Variants in PLXDC2 observed in about 807,000 individuals in gnomAD.
PLXDC2 encodes the protein plexin domain-containing protein 2.
A neutral mutation model predicts 68.9 loss-of-function variants in PLXDC2; 40 were observed. The ratio of observed to expected loss-of-function variants is 0.58; its 90% confidence interval spans 0.45 to 0.76. PLXDC2 has a LOEUF of 0.76. Ranked by LOEUF, PLXDC2 falls within the 30% of genes least tolerant of loss-of-function variation. PLXDC2 has a pLI of 0.00. For missense variants in PLXDC2, 644 were observed against 661.9 expected (o/e 0.97, Z 0.30); for synonymous variants, 243 against 234.2 (o/e 1.04, Z -0.34).
chr10:19,907,662 A>C (rs1833189708), intron 1 of PLXDC2, among the ~76,000 whole-genome samples: 1 of 152,244 alleles, frequency 6.6e-6, no homozygotes, highest in Non-Finnish European at 1.5e-5. Flanking sequence ...CATTTTTAGT[A>C]GAAAATGCTT....
At chr10:20,100,399 CA>C in intron 4 of PLXDC2, among the ~76,000 whole-genome samples, 1 of 152,090 alleles carries the variant, frequency 6.6e-6, no homozygotes, top group East Asian at 1.9e-4. Flanking sequence ...TCCATGGTAA[CA>C]TAACAGAAAA....
chr10:19,869,063 AG>A (rs1261990420), intron 1 of PLXDC2, among the ~76,000 whole-genome samples: 4 of 152,176 alleles, frequency 2.6e-5, no homozygotes, highest in African/African-American at 9.7e-5. Flanking sequence ...TAGAGAACTC[AG>A]GGTTCAAGAT....
chr10:20,262,077 T>C (rs1835814984), intron 13 of PLXDC2, among the ~76,000 whole-genome samples: 1 of 152,112 alleles, frequency 6.6e-6, no homozygotes, highest in Admixed American at 6.5e-5. Context: ...AGGAAACAAC[T>C]TGACCCACAG....
chr10:20,024,059 G>T (rs1835356845), intron 2 of PLXDC2, among the ~76,000 whole-genome samples: 2 of 152,126 alleles, frequency 1.3e-5, no homozygotes, highest in Non-Finnish European at 2.9e-5. Context: ...CTGCAGAATA[G>T]GAACATATAT....
intron 1 of PLXDC2, among the ~76,000 whole-genome samples, chr10:19,970,550 A>G (rs971085501): frequency 6.6e-6 from 1 of 152,240 alleles, no homozygotes; most frequent in African/African-American, 2.4e-5. Context: ...ACTGCAAAGC[A>G]CAAGTAGTAG....
intron 13 of PLXDC2, among the ~76,000 whole-genome samples, chr10:20,270,623 C>T (rs1835925819): frequency 6.6e-6 from 1 of 151,984 alleles, no homozygotes; most frequent in Admixed American, 6.6e-5. Flanking sequence ...TGGCTCACTG[C>T]AATCTCCGCC....
At chr10:19,879,899 T>C (rs190233507) in intron 1 of PLXDC2, among the ~76,000 whole-genome samples, 28 of 152,304 alleles carry the variant, frequency 1.8e-4, no homozygotes, top group African/African-American at 5.5e-4. Flanking sequence ...TTTCCTTCTG[T>C]TATGTTATTG....
chr10:20,103,926 A>G lies in PLXDC2; in HGVS notation c.541+35687A>G, dbSNP rs568868983. Reference sequence around the variant, plus strand: ...CCAAAGTGCTAGGATTGCAAGCGTGAGCCACCGTGCCCGGCTGACACATCT... The same window carrying G: ...CCAAAGTGCTAGGATTGCAAGCGTGGGCCACCGTGCCCGGCTGACACATCT... On this transcript the variant is annotated intron_variant, in intron 4 of 13. Transcript: ENST00000377252. Among the ~76,000 whole-genome samples, 8 of 152,360 alleles carry G rather than the reference A, an allele frequency of 5.3e-5. No individual in the cohort carries two copies. In the East Asian group the frequency reaches 1.5e-3, roughly 29 times the overall value.
intron 2 of PLXDC2, among the ~76,000 whole-genome samples, chr10:20,014,842 A>T (rs767288112): frequency 6.6e-6 from 1 of 152,094 alleles, no homozygotes; most frequent in South Asian, 2.1e-4. Context: ...AAAAAACTCT[A>T]TTTTTATCTT....
In PLXDC2 at chr10:20,202,904, G is replaced by A. The variant is rs114112981; in HGVS notation, c.1062-8765G>A. Among the ~76,000 whole-genome samples, 554 of 152,142 alleles carry A rather than the reference G, an allele frequency of 3.6e-3. 3 individuals carry two copies. Among genetic ancestry groups the A allele is most frequent in the African/African-American group, 0.012 (510 of 41,500 alleles). The stretch of plus-strand genomic sequence containing the variant: ...GTAACTGGCTTTGTTTTAATGCATC[G>A]CAATTTCAACTTGTATTTCTGTCTA... On this transcript the variant is annotated intron_variant, in intron 9 of 13. Coordinates refer to ENST00000377252, the MANE Select transcript of PLXDC2 (RefSeq NM_032812.9).
intron 1 of PLXDC2, among the ~76,000 whole-genome samples, chr10:19,817,615 A>G (rs576502850): frequency 6.6e-6 from 1 of 152,156 alleles, no homozygotes; most frequent in African/African-American, 2.4e-5. Context: ...TGTGAAAGCC[A>G]GGGATTGCAG....
At chr10:20,202,316 A>T (rs1414068210) in intron 9 of PLXDC2, among the ~76,000 whole-genome samples, 1 of 152,148 alleles carries the variant, frequency 6.6e-6, no homozygotes, top group Non-Finnish European at 1.5e-5. Flanking sequence ...AGGTTCAAAG[A>T]CACTATATTG....
chr10:20,055,311 A>C (rs1835977940), intron 3 of PLXDC2, among the ~76,000 whole-genome samples: 1 of 152,132 alleles, frequency 6.6e-6, no homozygotes, highest in South Asian at 2.1e-4. Context: ...AGCTAGCATT[A>C]CCATGGGTCT....
At chr10:20,068,493 G>C (rs1226095786) in intron 4 of PLXDC2, among the ~76,000 whole-genome samples, 1 of 151,260 alleles carries the variant, frequency 6.6e-6, no homozygotes, top group African/African-American at 2.4e-5. Flanking sequence ...ATTCATTTTT[G>C]GTAGTGTGGT....
intron 2 of PLXDC2, among the ~76,000 whole-genome samples, chr10:20,015,584 A>T (rs895281909): frequency 4.6e-5 from 7 of 151,956 alleles, no homozygotes; most frequent in Non-Finnish European, 4.4e-5. Flanking sequence ...ACTGGCCAAG[A>T]CTCCATTTGC....
chr10:20,071,451 G>C (rs1300662508), intron 4 of PLXDC2, among the ~76,000 whole-genome samples: 1 of 152,200 alleles, frequency 6.6e-6, no homozygotes, highest in Non-Finnish European at 1.5e-5. Flanking sequence ...AATCATGGGG[G>C]CAGGTCTTTC....
chr10:19,878,837 C>G (rs981241231), intron 1 of PLXDC2, among the ~76,000 whole-genome samples: 1 of 152,126 alleles, frequency 6.6e-6, no homozygotes, highest in East Asian at 1.9e-4. Flanking sequence ...CGAACTGTGG[C>G]TTTTTCTGGG....
At position 20,195,692 on chromosome 10, in the gene PLXDC2, A is replaced by T. The variant is rs142915549; in HGVS notation, c.1062-15977A>T. On this transcript the variant is annotated intron_variant, in intron 9 of 13. Coordinates refer to ENST00000377252, the MANE Select transcript of PLXDC2 (RefSeq NM_032812.9). ...AGTAAACTAATAAATTAGGAAAAAG[A>T]TGTTTCCTTGATGAGGCAATTGCCT... Among the ~76,000 whole-genome samples, 453 of 152,216 alleles carry T rather than the reference A, an allele frequency of 3.0e-3. 1 individual carries two copies. The highest frequency in any genetic ancestry group is 0.01 in the African/African-American group (431 of 41,540).
chr10:20,271,866 C>T (rs1017183117), intron 13 of PLXDC2, among the ~76,000 whole-genome samples: 4 of 152,162 alleles, frequency 2.6e-5, no homozygotes, highest in East Asian at 1.9e-4. Context: ...GTGGATATTA[C>T]GCTGACTCTC....
Sources: gnomAD v4.1 joint callset for allele counts (sites outside exome capture counted in the v4.1 genomes callset) on GRCh38, gnomAD v4.1.1 for gene constraint, MANE v1.5 for transcripts, NCBI Gene and HGNC (gene_info 2026-07-23, HGNC 2026-07-21) for gene names.